PLAG1: variants seen among roughly 807,000 people sequenced by gnomAD.
The protein encoded by PLAG1 is zinc finger protein PLAG1.
Under a neutral mutation model 35.5 loss-of-function variants are expected in PLAG1, and 7 were observed. The ratio of observed to expected loss-of-function variants is 0.20; its 90% CI spans 0.11 to 0.37. The LOEUF is 0.37. Among genes scored for constraint, PLAG1 ranks in the 10% least tolerant of loss-of-function variants. PLAG1 has a pLI of 1.00. For missense variants in PLAG1, 454 were observed against 602.8 expected (o/e 0.75, Z 2.58); for synonymous variants, 229 against 225.4 (o/e 1.02, Z -0.14).
At chr8:56,210,433 G>A (rs867354594) in intron 1 of PLAG1, among the ~76,000 whole-genome samples, 11 of 147,354 alleles carry the variant, frequency 7.5e-5, no homozygotes, top group South Asian at 2.2e-4. Context: ...ACACACCCCG[G>A]GCTCACACCT....
intron 2 of PLAG1, among the ~76,000 whole-genome samples, chr8:56,174,364 A>G (rs1480144216): frequency 6.6e-6 from 1 of 152,234 alleles, no homozygotes; most frequent in Non-Finnish European, 1.5e-5. Flanking sequence ...GGGCAACAGT[A>G]TACTTAGAAC....
intron 1 of PLAG1, among the ~76,000 whole-genome samples, chr8:56,186,458 G>A (rs1046000089): frequency 4.0e-5 from 6 of 151,838 alleles, no homozygotes; most frequent in Admixed American, 6.6e-5. Context: ...TGCAACCTCC[G>A]CCTCCTGGGC....
At chr8:56,185,174 C>G (rs1811987115) in intron 1 of PLAG1, among the ~76,000 whole-genome samples, 1 of 152,028 alleles carries the variant, frequency 6.6e-6, no homozygotes, top group South Asian at 2.1e-4. Flanking sequence ...CCATAGAGGA[C>G]AGGAAGCAGA....
intron 1 of PLAG1, among the ~76,000 whole-genome samples, chr8:56,210,736 C>G (rs1338832274): frequency 6.6e-6 from 1 of 151,864 alleles, no homozygotes; most frequent in Non-Finnish European, 1.5e-5. Flanking sequence ...TCGCTGCTGC[C>G]GCTGCCGCTG....
Position 56,167,131 on chromosome 8 carries a change from C to T in PLAG1, c.615G>A (p.Val205=), listed in dbSNP as rs1811381709. ...YTRKDVRRHM[V]VHTGRKDFLC... is the part of the protein sequence containing the mutation. ...GGAAGTCCTTTCTTCCAGTGTGCAC[C>T]ACCATGTGTCTCCGGACATCCTTTC... The change falls in exon 5 of 5, where the codon GTG becomes GTA. Residue 205 remains valine, a synonymous_variant. Coordinates refer to ENST00000316981, the MANE Select transcript of PLAG1 (RefSeq NM_002655.3). The surrounding 1 kb of genome is among the most constrained non-coding windows in gnomAD (Gnocchi z 5.9). 1 of 1,613,912 alleles carries T rather than the reference C, an allele frequency of 6.2e-7. No individual in the cohort carries two copies. The highest frequency in any genetic ancestry group is 1.7e-5 in the Admixed American group (1 of 59,968).
intron 1 of PLAG1, chr8:56,209,348 T>TG (rs1444050133): frequency 6.6e-6 from 1 of 152,202 alleles, no homozygotes; most frequent in Non-Finnish European, 1.5e-5. Context: ...CACATATCCA[T>TG]CTTCGGTTGA....
intron 1 of PLAG1, among the ~76,000 whole-genome samples, chr8:56,184,849 T>C (rs1275111729): frequency 2.0e-5 from 3 of 152,028 alleles, no homozygotes; most frequent in Non-Finnish European, 2.9e-5. Context: ...CTTGGGAGGC[T>C]TGAACCTGGG....
At chr8:56,194,765 C>T (rs1025844404) in intron 1 of PLAG1, among the ~76,000 whole-genome samples, 12 of 151,924 alleles carry the variant, frequency 7.9e-5, no homozygotes, top group African/African-American at 2.9e-4. Context: ...TTGAGAAAGA[C>T]GTGAAGGCCT....
At chr8:56,185,051 A>C (rs143530928) in intron 1 of PLAG1, among the ~76,000 whole-genome samples, 1 of 152,262 alleles carries the variant, frequency 6.6e-6, no homozygotes, top group Non-Finnish European at 1.5e-5. Context: ...TGATACATAC[A>C]GTAACATGGA....
Position 56,165,362 on chromosome 8 carries a change from T to C in PLAG1, c.*881A>G. 4.6e-6 allele frequency: 1 copy of C among 218,878 alleles called. No homozygotes were observed. The highest frequency in any genetic ancestry group is 9.2e-6 in the Non-Finnish European group (1 of 109,048). 13.6% of individuals were successfully genotyped at this position (218,878 alleles called of 1,614,324 possible). Reference sequence around the variant, plus strand: ...ACTAACCGTGGGCCAACAATGAAAATAAATTGCTGGCTGCACTTGACCCAC... The same window carrying C: ...ACTAACCGTGGGCCAACAATGAAAACAAATTGCTGGCTGCACTTGACCCAC... On this transcript the variant is annotated 3_prime_UTR_variant, in exon 5 of 5. Coordinates refer to ENST00000316981, the MANE Select transcript of PLAG1 (RefSeq NM_002655.3).
chr8:56,196,987 T>TGTGTGTGTGCGC (rs1227336889), intron 1 of PLAG1, among the ~76,000 whole-genome samples: 34 of 149,546 alleles, frequency 2.3e-4, no homozygotes, highest in African/African-American at 6.1e-4. Context: ...TGTGTGTGTG[T>TGTGTGTGTGCGC]GCTCCTCTCT....
intron 1 of PLAG1, among the ~76,000 whole-genome samples, chr8:56,190,426 G>C (rs1157531803): frequency 6.6e-6 from 1 of 152,224 alleles, no homozygotes; most frequent in African/African-American, 2.4e-5. Flanking sequence ...GGGAGGTAGA[G>C]CCAAGGTAAG....
At chr8:56,183,823 A>C (rs1811940977) in intron 1 of PLAG1, among the ~76,000 whole-genome samples, 2 of 152,206 alleles carry the variant, frequency 1.3e-5, no homozygotes, top group South Asian at 4.1e-4. Context: ...ACCATATAGA[A>C]AACTTAACTC....
At chr8:56,194,980 A>G (rs1812314636) in intron 1 of PLAG1, among the ~76,000 whole-genome samples, 2 of 152,160 alleles carry the variant, frequency 1.3e-5, no homozygotes, top group South Asian at 4.2e-4. Context: ...GAGGGGTTAG[A>G]AAGCAAATAA....
chr8:56,186,780 G>A lies in PLAG1; in HGVS notation c.-321-7267C>T, dbSNP rs577761704. 2.7e-5 allele frequency among the ~76,000 whole-genome samples: 4 copies of A among 150,102 alleles called. No individual in the cohort carries two copies. In the East Asian group the frequency reaches 7.9e-4, roughly 30 times the overall value. On this transcript the variant is annotated intron_variant, in intron 1 of 4. Transcript: ENST00000316981. ...TGCTCAGGCTGGAGTGCAATGGCGC[G>A]ATCTTAGCTCATTGCAACCTCCGCC...
Position 56,167,575 on chromosome 8 carries a change from G to T in PLAG1, c.243-72C>A. 1.1e-6 allele frequency: 1 copy of T among 893,802 alleles called. No individual in the cohort carries two copies. The highest frequency in any genetic ancestry group is 2.6e-5 in the East Asian group (1 of 38,100). The allele number at this position is 893,802 out of a possible 1,614,324, so 55.4% of individuals were successfully genotyped here. ...GCATGTATTCACTTTTCAAATGGAA[G>T]CTAAACTACTATGCTAACACAGAAT... On this transcript the variant is annotated intron_variant, in intron 4 of 4. Transcript: ENST00000316981. The surrounding 1 kb of genome is among the most constrained non-coding windows in gnomAD (Gnocchi z 5.9).
chr8:56,207,619 T>G (rs1812735526), intron 1 of PLAG1, among the ~76,000 whole-genome samples: 2 of 152,070 alleles, frequency 1.3e-5, no homozygotes, highest in Non-Finnish European at 2.9e-5. Context: ...GTAGCAAAAG[T>G]AGGCATATAA....
chr8:56,191,241 A>G (rs1462358711), intron 1 of PLAG1, among the ~76,000 whole-genome samples: 1 of 152,190 alleles, frequency 6.6e-6, no homozygotes, highest in Non-Finnish European at 1.5e-5. Context: ...GCAGTGGAGA[A>G]GCAGAACATT....
At position 56,168,385 on chromosome 8, in the gene PLAG1, G is replaced by A; in HGVS notation, c.-116C>T. On this transcript the variant is annotated splice_region_variant and 5_prime_UTR_variant, in exon 4 of 5. Transcript: ENST00000316981. ...GTGGTCGTAAAAGAAAGCAAAAAGG[G>A]ACTGGAAAAAAAAATAAGAAACAAC... The A allele has an allele frequency of 7.5e-7, 1 of 1,327,518 alleles. No homozygotes were observed. The highest frequency in any genetic ancestry group is 9.8e-7 in the Non-Finnish European group (1 of 1,022,974). 82.2% of individuals were successfully genotyped at this position (1,327,518 alleles called of 1,614,324 possible). A position where few individuals can be genotyped will look rare whatever the true frequency, so the allele number is the denominator to read the frequency against.
Sources: gnomAD v4.1 joint callset for allele counts (sites outside exome capture counted in the v4.1 genomes callset) on GRCh38, gnomAD v4.1.1 for gene constraint, Gnocchi (gnomAD v3.1) non-coding constraint, MANE v1.5 for transcripts, NCBI Gene and HGNC (gene_info 2026-07-23, HGNC 2026-07-21) for gene names.